The following MACROD2 variants were observed in gnomAD, a reference collection of about 807,000 sequenced individuals.
MACROD2 encodes ADP-ribose glycohydrolase MACROD2.
A neutral mutation model predicts 70.4 loss-of-function variants in MACROD2; 36 were observed. The ratio of observed to expected loss-of-function variants is 0.51; its 90% confidence interval spans 0.39 to 0.68. The LOEUF is 0.68. Among genes scored for constraint, MACROD2 ranks in the 30% least tolerant of loss-of-function variants. The probability of loss-of-function intolerance (pLI) is 0.00; values close to 1 mark genes in which losing one functional copy is unlikely to be tolerated. For synonymous variants in MACROD2, 172 were observed against 178.8 expected (o/e 0.96, Z 0.30); for missense variants, 496 against 538.4 (o/e 0.92, Z 0.78).
chr20:15,586,470 T>G (rs1010573743), intron 8 of MACROD2, among the ~76,000 whole-genome samples: 3 of 152,252 alleles, frequency 2.0e-5, no homozygotes, highest in African/African-American at 7.2e-5. Flanking sequence ...ATTAGGTAAT[T>G]TATTTACCTG....
intron 10 of MACROD2, among the ~76,000 whole-genome samples, chr20:15,923,771 C>T (rs1384296642): frequency 6.6e-6 from 1 of 151,258 alleles, no homozygotes; most frequent in East Asian, 1.9e-4. Flanking sequence ...TCCACACAAA[C>T]AAAACATTTG....
At chr20:15,697,499 C>T (rs771210632) in intron 8 of MACROD2, among the ~76,000 whole-genome samples, 2 of 152,076 alleles carry the variant, frequency 1.3e-5, no homozygotes, top group Non-Finnish European at 2.9e-5. Flanking sequence ...GAGAAAGTTC[C>T]ATGCACTGTT....
intron 5 of MACROD2, among the ~76,000 whole-genome samples, chr20:14,937,214 G>A (rs759024062): frequency 3.3e-5 from 5 of 151,980 alleles, no homozygotes; most frequent in Non-Finnish European, 5.9e-5. Flanking sequence ...AGCGTAGGCC[G>A]AGATGGGAAG....
intron 5 of MACROD2, among the ~76,000 whole-genome samples, chr20:15,226,840 C>G (rs2076910770): frequency 3.3e-5 from 5 of 151,840 alleles, no homozygotes; most frequent in Admixed American, 3.3e-4. Flanking sequence ...AAGGCAAGCA[C>G]CACTGAAAAT....
chr20:16,030,156 A>C (rs962892959), intron 15 of MACROD2, among the ~76,000 whole-genome samples: 1 of 152,202 alleles, frequency 6.6e-6, no homozygotes, highest in African/African-American at 2.4e-5. Context: ...CAAGCCCCAA[A>C]GATAGTGCCC....
At chr20:14,502,020 A>G (rs2084920228) in intron 4 of MACROD2, among the ~76,000 whole-genome samples, 1 of 152,220 alleles carries the variant, frequency 6.6e-6, no homozygotes, top group East Asian at 1.9e-4. Flanking sequence ...ACTATAAAAA[A>G]GAGAAGTTTA....
At chr20:15,620,860 C>T (rs2049114802) in intron 8 of MACROD2, among the ~76,000 whole-genome samples, 1 of 152,014 alleles carries the variant, frequency 6.6e-6, no homozygotes, top group Admixed American at 6.6e-5. Context: ...ATAACTAAGG[C>T]AGTGCTATAA....
At chr20:14,011,989 A>G (rs2052915271) in intron 2 of MACROD2, among the ~76,000 whole-genome samples, 1 of 152,064 alleles carries the variant, frequency 6.6e-6, no homozygotes, top group Admixed American at 6.5e-5. Flanking sequence ...GCTCACTGCA[A>G]CCTTCGCCTC....
chr20:14,956,373 G>A (rs1178820241), intron 5 of MACROD2, among the ~76,000 whole-genome samples: 2 of 152,074 alleles, frequency 1.3e-5, no homozygotes, highest in Admixed American at 6.5e-5. Context: ...AGTAAAAATG[G>A]CTTCTCTAAA....
At chr20:15,914,597 T>C (rs2065285456) in intron 10 of MACROD2, among the ~76,000 whole-genome samples, 1 of 152,228 alleles carries the variant, frequency 6.6e-6, no homozygotes, top group African/African-American at 2.4e-5. Flanking sequence ...ACTACTATGA[T>C]CTGTTTCTAC....
intron 8 of MACROD2, among the ~76,000 whole-genome samples, chr20:15,534,807 T>C (rs2047851638): frequency 6.6e-6 from 1 of 152,182 alleles, no homozygotes; most frequent in African/African-American, 2.4e-5. Context: ...CTCAGTGTCA[T>C]TGCTAACTGC....
intron 5 of MACROD2, among the ~76,000 whole-genome samples, chr20:15,083,171 C>T (rs900146925): frequency 1.3e-5 from 2 of 152,178 alleles, no homozygotes; most frequent in Non-Finnish European, 2.9e-5. Flanking sequence ...TGTGGTCCCT[C>T]TCCACACCTA....
rs185452674 is a variant in MACROD2 at position 14,448,345 on chromosome 20, C to T, written c.272-45134C>T. On this transcript the variant is annotated intron_variant, in intron 3 of 17. Coordinates refer to ENST00000684519, the MANE Select transcript of MACROD2 (RefSeq NM_001351661.2). ...CATGGAGCCTGCCAGAGTTTTCATTCGTTGGAAAGGGAAAAACTTTCCCTA... is the reference window on the plus strand; with the variant it reads ...CATGGAGCCTGCCAGAGTTTTCATTTGTTGGAAAGGGAAAAACTTTCCCTA... Among the ~76,000 whole-genome samples the T allele has an allele frequency of 6.9e-4, 105 of 152,012 alleles. 1 individual carries two copies. The highest frequency in any genetic ancestry group is 2.4e-3 in the African/African-American group (100 of 41,402).
chr20:14,538,318 A>T (rs1017114782), intron 4 of MACROD2, among the ~76,000 whole-genome samples: 1 of 152,208 alleles, frequency 6.6e-6, no homozygotes, highest in African/African-American at 2.4e-5. Context: ...CCTGGTCCTC[A>T]TGCCAGAAGG....
chr20:15,695,919 T>C (rs1302130836), intron 8 of MACROD2, among the ~76,000 whole-genome samples: 2 of 152,194 alleles, frequency 1.3e-5, no homozygotes, highest in Admixed American at 1.3e-4. Context: ...CTGAATTCTT[T>C]TATCAGTTCT....
chr20:16,009,527 C>T (rs759235213), intron 15 of MACROD2, among the ~76,000 whole-genome samples: 1 of 152,138 alleles, frequency 6.6e-6, no homozygotes, highest in African/African-American at 2.4e-5. Context: ...GAGGCCGAGG[C>T]GGGCAGATCA....
Position 15,165,057 on chromosome 20 carries a change from G to C in MACROD2, c.419-64883G>C, listed in dbSNP as rs556642593. Among the ~76,000 whole-genome samples, 6 of 152,296 alleles carry C rather than the reference G, an allele frequency of 3.9e-5. No homozygotes were observed. The East Asian group carries it at 9.6e-4, about 24-fold the overall frequency. ...AAGTTGTTTCCTTAGAAATAGCAATGAAATATCTGCTGAGATTGATCAACA... is the reference window on the plus strand; with the variant it reads ...AAGTTGTTTCCTTAGAAATAGCAATCAAATATCTGCTGAGATTGATCAACA... On this transcript the variant is annotated intron_variant, in intron 5 of 17. Transcript: ENST00000684519.
rs117332400 is a variant in MACROD2, at chr20:15,744,003, C to G, written c.646-118742C>G. 1.8e-3 allele frequency among the ~76,000 whole-genome samples: 280 copies of G among 152,260 alleles called. 7 individuals are homozygous for G. In the East Asian group the frequency reaches 0.043, roughly 24 times the overall value. Reference sequence around the variant, plus strand: ...CACAAGAAGCACCCCAGCGTCCTGGCCAATTGACAACCCCCTTCTTTTCCA... The same window carrying G: ...CACAAGAAGCACCCCAGCGTCCTGGGCAATTGACAACCCCCTTCTTTTCCA... On this transcript the variant is annotated intron_variant, in intron 8 of 17. Transcript: ENST00000684519.
intron 5 of MACROD2, among the ~76,000 whole-genome samples, chr20:14,988,895 T>C (rs999110782): frequency 1.1e-4 from 17 of 152,156 alleles, no homozygotes; most frequent in Admixed American, 9.8e-4. Flanking sequence ...TTAAAATTAT[T>C]GTTTAATATT....
Sources: gnomAD v4.1 joint callset for allele counts (sites outside exome capture counted in the v4.1 genomes callset) on GRCh38, gnomAD v4.1.1 for gene constraint, MANE v1.5 for transcripts, NCBI Gene and HGNC (gene_info 2026-07-23, HGNC 2026-07-21) for gene names.